Variants in SETD5 observed in about 807,000 individuals in gnomAD.
SETD5 encodes the protein histone-lysine N-methyltransferase SETD5.
Under a neutral mutation model 153.3 loss-of-function variants are expected in SETD5, and 44 were observed. The ratio of observed to expected loss-of-function variants is 0.29; its 90% CI spans 0.23 to 0.37. The LOEUF (loss-of-function observed/expected upper bound fraction) is 0.37. Ranked by LOEUF, SETD5 falls within the 10% of genes least tolerant of loss-of-function variation. The pLI, the probability that SETD5 is intolerant of heterozygous loss-of-function variation, is 1.00. For missense variants in SETD5, 1,544 were observed against 1,768.0 expected, an observed-to-expected ratio of 0.87 and a Z score of 2.27; for synonymous variants, 716 against 645.2, an observed-to-expected ratio of 1.11 and a Z score of -1.66.
intron 22 of SETD5, 155 bp downstream of exon 22, chr3:9,475,311 T>G: frequency 8.8e-7 from 1 of 1,137,770 alleles, no homozygotes; most frequent in Non-Finnish European, 1.2e-6. Flanking sequence ...TAATAAATTA[T>G]GCCAGAAGAT....
intron 19 of SETD5, among the ~76,000 whole-genome samples, chr3:9,472,365 A>G (rs1011332605): frequency 6.8e-6 from 1 of 147,528 alleles, no homozygotes; most frequent in African/African-American, 2.5e-5. Flanking sequence ...TGTGTAAGCA[A>G]TGTGCCAGAA....
At chr3:9,409,994 C>T (rs1054558479) in intron 1 of SETD5, among the ~76,000 whole-genome samples, 49 of 152,090 alleles carry the variant, frequency 3.2e-4, no homozygotes, top group African/African-American at 1.1e-3. Context: ...TCTTTTTGCC[C>T]TTAGGGTATA....
chr3:9,434,301 C>T lies in SETD5; in HGVS notation c.178-33C>T. ...GGATCATAATTACGGAGCCCCTCCT[C>T]CTCCGACACCTCCTGCTTCTCCCCC... On this transcript the variant is annotated intron_variant, in intron 4 of 22. Coordinates refer to ENST00000402198, the MANE Select transcript of SETD5 (RefSeq NM_001080517.3). The surrounding 1 kb of genome is among the most constrained non-coding windows in gnomAD (Gnocchi z 5.6). 1 of 1,612,688 alleles carries T rather than the reference C, an allele frequency of 6.2e-7. No homozygotes were observed. Among genetic ancestry groups the T allele is most frequent in the Non-Finnish European group, 8.5e-7 (1 of 1,178,722 alleles).
intron 1 of SETD5, among the ~76,000 whole-genome samples, chr3:9,399,032 TTGTC>T (rs1345580412): frequency 6.6e-6 from 1 of 152,188 alleles, no homozygotes; most frequent in Non-Finnish European, 1.5e-5. Context: ...CCACTGGGCT[TTGTC>T]TATATTTAAG....
chr3:9,417,452 CCTGT>C (rs770457168), intron 1 of SETD5, among the ~76,000 whole-genome samples: 2 of 151,980 alleles, frequency 1.3e-5, no homozygotes, highest in African/African-American at 4.8e-5. Flanking sequence ...TATTTTGTCT[CCTGT>C]CTTTTAGTAA....
At chr3:9,414,663 T>C (rs1294892142) in intron 1 of SETD5, among the ~76,000 whole-genome samples, 1 of 152,232 alleles carries the variant, frequency 6.6e-6, no homozygotes, top group African/African-American at 2.4e-5. Context: ...TTCTCCGTAG[T>C]GTATTTTTTT....
In SETD5 at chr3:9,444,699, T is replaced by C. The variant is rs185613043; in HGVS notation, c.1188-349T>C. ...TGAGCCCAGGAGTTCAAGACCAGCC[T>C]AGACAACATGGCAAAACCCCGTCTC... On this transcript the variant is annotated intron_variant, in intron 11 of 22. Transcript: ENST00000402198. 8.7e-4 allele frequency among the ~76,000 whole-genome samples: 132 copies of C among 151,754 alleles called. No individual in the cohort carries two copies. The East Asian group carries it at 0.02, about 23-fold the overall frequency.
chr3:9,474,651 C>G (rs1161883480), intron 21 of SETD5, 69 bp downstream of exon 21: 1 of 1,574,872 alleles, frequency 6.3e-7, no homozygotes, highest in Non-Finnish European at 8.6e-7. Flanking sequence ...CAGTTCATGC[C>G]TAGTGCTGAG....
chr3:9,436,410 ACTT>A (rs1215879117), intron 7 of SETD5, among the ~76,000 whole-genome samples: 4 of 152,180 alleles, frequency 2.6e-5, no homozygotes, highest in Admixed American at 2.0e-4. Flanking sequence ...TACGGGAGAA[ACTT>A]CTTCTGGTTT....
chr3:9,449,118 A>G (rs1246622885), intron 16 of SETD5, among the ~76,000 whole-genome samples: 1 of 152,248 alleles, frequency 6.6e-6, no homozygotes, highest in Non-Finnish European at 1.5e-5. Flanking sequence ...GAAAAATCCT[A>G]TTGTAATTGG....
chr3:9,430,764 A>T (rs1022937851), intron 3 of SETD5: 9 of 927,936 alleles, frequency 9.7e-6, no homozygotes, highest in African/African-American at 8.9e-5. Context: ...AAGTATAGAC[A>T]TGACTGCCCG....
At chr3:9,464,954 T>C (rs2044381790) in intron 18 of SETD5, 1 of 457,962 alleles carries the variant, frequency 2.2e-6, no homozygotes, top group East Asian at 4.3e-5. Flanking sequence ...GTAAGCATGC[T>C]AGATCTCCAT....
At chr3:9,470,991 T>C (rs2045237546) in intron 19 of SETD5, 62 bp downstream of exon 19, 1 of 849,494 alleles carries the variant, frequency 1.2e-6, no homozygotes, top group African/African-American at 1.7e-5. Context: ...GTTTAGTAGA[T>C]ATTCATAAGT....
chr3:9,468,387 G>A (rs999303743), intron 18 of SETD5: 4 of 500,164 alleles, frequency 8.0e-6, no homozygotes, highest in African/African-American at 2.0e-5. Context: ...TTTCCCCTAT[G>A]CATTCTTATT....
chr3:9,436,885 G>A, intron 7 of SETD5: 3 of 1,550,348 alleles, frequency 1.9e-6, no homozygotes, highest in Non-Finnish European at 2.6e-6. Context: ...CCTTGCGGAT[G>A]AAGGTAAGGG....
intron 18 of SETD5, chr3:9,468,421 GT>G (rs930292998): frequency 1.8e-6 from 2 of 1,101,392 alleles, no homozygotes; most frequent in Admixed American, 5.2e-5. Context: ...CCCGAAAAAA[GT>G]TATGGCTAAC....
chr3:9,431,322 A>G (rs909329238), intron 3 of SETD5: 45 of 985,304 alleles, frequency 4.6e-5, no homozygotes, highest in Non-Finnish European at 5.2e-5. Flanking sequence ...GATGGAGTAT[A>G]TCTGTTGTGA....
chr3:9,433,961 A>G lies in SETD5; in HGVS notation c.177+11A>G, dbSNP rs778743675. On this transcript the variant is annotated intron_variant, in intron 4 of 22. Transcript: ENST00000402198. ...GGACTGCCTTATGCTGTGAGTATGC[A>G]TTTGTTTCTCTCCAGAACAGTGATC... 5 of 1,613,484 alleles carry G rather than the reference A, an allele frequency of 3.1e-6. No individual in the cohort carries two copies. Among genetic ancestry groups the G allele is most frequent in the East Asian group, 2.2e-5 (1 of 44,888 alleles).
At chr3:9,410,676 T>C (rs2036424192) in intron 1 of SETD5, among the ~76,000 whole-genome samples, 1 of 152,174 alleles carries the variant, frequency 6.6e-6, no homozygotes, top group Non-Finnish European at 1.5e-5. Flanking sequence ...TGATGTTTTG[T>C]CGATACTTCC....
Sources: allele counts gnomAD v4.1 joint callset (sites outside exome capture counted in the v4.1 genomes callset), GRCh38; gene constraint gnomAD v4.1.1; non-coding constraint Gnocchi (gnomAD v3.1); transcripts MANE v1.5; gene names NCBI Gene and HGNC (gene_info 2026-07-23, HGNC 2026-07-21).